The following NTNG1 variants were observed in gnomAD, a reference collection of about 807,000 sequenced individuals.
The protein encoded by NTNG1 is netrin G1.
In NTNG1, 16 loss-of-function variants were observed where a neutral mutation model predicts 54.0. The ratio of observed to expected loss-of-function variants is 0.30; its 90% CI spans 0.20 to 0.45. NTNG1 has a LOEUF of 0.45. Among genes scored for constraint, NTNG1 ranks in the 20% least tolerant of loss-of-function variants. The pLI is 1.00. For synonymous variants in NTNG1, 255 were observed against 263.1 expected (o/e 0.97, Z 0.30); for missense variants, 530 against 678.7 (o/e 0.78, Z 2.43).
chr1:107,325,862 T>A (rs1177846220), intron 3 of NTNG1, among the ~76,000 whole-genome samples: 1 of 152,122 alleles, frequency 6.6e-6, no homozygotes, highest in African/African-American at 2.4e-5. Context: ...TATCTTTAAA[T>A]TGAAACATAT....
intron 3 of NTNG1, among the ~76,000 whole-genome samples, chr1:107,357,089 C>T (rs1669978005): frequency 6.6e-6 from 1 of 152,166 alleles, no homozygotes; most frequent in Non-Finnish European, 1.5e-5. Context: ...AACCAGACAA[C>T]ACAAATCACC....
At chr1:107,305,704 G>A (rs1477972804) in intron 2 of NTNG1, among the ~76,000 whole-genome samples, 1 of 152,060 alleles carries the variant, frequency 6.6e-6, no homozygotes, top group Admixed American at 6.6e-5. Context: ...TGTTCACTCT[G>A]ATGATAGTTT....
chr1:107,148,971 C>A (rs1654349667), intron 2 of NTNG1, 132 bp downstream of exon 2: 5 of 886,148 alleles, frequency 5.6e-6, no homozygotes, highest in Non-Finnish European at 8.7e-6. Flanking sequence ...TGTTAACAGG[C>A]TAGTTTCTTT....
intron 2 of NTNG1, among the ~76,000 whole-genome samples, chr1:107,191,288 T>C (rs1446857542): frequency 6.6e-6 from 1 of 152,178 alleles, no homozygotes; most frequent in Non-Finnish European, 1.5e-5. Flanking sequence ...GTTTTTTTCT[T>C]GTAAATTTGT....
At chr1:107,170,991 A>G (rs1656184849) in intron 2 of NTNG1, among the ~76,000 whole-genome samples, 1 of 152,158 alleles carries the variant, frequency 6.6e-6, no homozygotes, top group Non-Finnish European at 1.5e-5. Context: ...CCACATTTTA[A>G]TAAGACAAAA....
chr1:107,481,872 T>C lies in NTNG1; in HGVS notation c.*1032T>C, dbSNP rs576184780. ...CATAAACGATTTCAGGAATTTGTAT[T>C]GCAATTTCTTAAGATGAAAGGAACA... is the stretch of plus-strand genomic sequence containing the variant. On this transcript the variant is annotated 3_prime_UTR_variant, in exon 8 of 8. Coordinates refer to ENST00000370068, the MANE Select transcript of NTNG1 (RefSeq NM_001113226.3). 7 of 152,636 alleles carry C rather than the reference T, an allele frequency of 4.6e-5. No homozygotes were observed. In the East Asian group the frequency reaches 9.6e-4, roughly 21 times the overall value. 9.5% of individuals were successfully genotyped at this position (152,636 alleles called of 1,614,324 possible).
At chr1:107,451,920 T>C (rs977969508) in intron 7 of NTNG1, among the ~76,000 whole-genome samples, 5 of 152,164 alleles carry the variant, frequency 3.3e-5, no homozygotes, top group Non-Finnish European at 7.3e-5. Context: ...GAACTCCTAA[T>C]GGCTCTGGTT....
chr1:107,199,926 ATTTG>A (rs1302684012), intron 2 of NTNG1, among the ~76,000 whole-genome samples: 1 of 151,756 alleles, frequency 6.6e-6, no homozygotes, highest in African/African-American at 2.4e-5. Flanking sequence ...CTGGACCAGG[ATTTG>A]TTTGTTTAGT....
intron 7 of NTNG1, among the ~76,000 whole-genome samples, chr1:107,469,113 A>C (rs1677805331): frequency 2.0e-5 from 3 of 151,850 alleles, no homozygotes; most frequent in South Asian, 2.1e-4. Flanking sequence ...AAAAAAAAAA[A>C]AACAACGAAA....
chr1:107,381,178 T>C (rs183297578), intron 3 of NTNG1, among the ~76,000 whole-genome samples: 64 of 152,084 alleles, frequency 4.2e-4, no homozygotes, highest in African/African-American at 1.4e-3. Flanking sequence ...CATTCAAAAG[T>C]CACAATAAAA....
At chr1:107,354,364 G>C (rs972002522) in intron 3 of NTNG1, among the ~76,000 whole-genome samples, 1 of 150,292 alleles carries the variant, frequency 6.7e-6, no homozygotes, top group Admixed American at 6.7e-5. Context: ...AGCTACTCAG[G>C]AGGCAGAGGC....
intron 7 of NTNG1, among the ~76,000 whole-genome samples, chr1:107,478,951 T>C (rs1678515246): frequency 6.6e-6 from 1 of 152,240 alleles, no homozygotes; most frequent in African/African-American, 2.4e-5. Flanking sequence ...TAAAATAATG[T>C]GGTTCTAATA....
At chr1:107,173,129 A>G (rs539446644) in intron 2 of NTNG1, among the ~76,000 whole-genome samples, 1 of 152,172 alleles carries the variant, frequency 6.6e-6, no homozygotes, top group Non-Finnish European at 1.5e-5. Context: ...ATTATATGAT[A>G]TTTGTCAAAG....
At chr1:107,247,489 A>C (rs1358918080) in intron 2 of NTNG1, among the ~76,000 whole-genome samples, 1 of 152,208 alleles carries the variant, frequency 6.6e-6, no homozygotes, top group East Asian at 1.9e-4. Flanking sequence ...AAGTGAGTAT[A>C]ATAACGTCTT....
chr1:107,416,992 T>C (rs184756361), intron 5 of NTNG1, among the ~76,000 whole-genome samples: 221 of 152,244 alleles, frequency 1.5e-3, no homozygotes, highest in African/African-American at 5.0e-3. Flanking sequence ...ACAGACAATA[T>C]TAATTTCCTC....
chr1:107,154,914 G>A (rs1443038342), intron 2 of NTNG1, among the ~76,000 whole-genome samples: 1 of 151,984 alleles, frequency 6.6e-6, no homozygotes, highest in East Asian at 1.9e-4. Context: ...AGATTTAACC[G>A]AATGCAGAGA....
At chr1:107,229,540 A>G (rs941717778) in intron 2 of NTNG1, among the ~76,000 whole-genome samples, 5 of 151,526 alleles carry the variant, frequency 3.3e-5, no homozygotes, top group Admixed American at 2.6e-4. Flanking sequence ...TTTTTAAATG[A>G]GAATTTATGG....
chr1:107,185,779 G>A (rs1021938033), intron 2 of NTNG1, among the ~76,000 whole-genome samples: 1 of 152,104 alleles, frequency 6.6e-6, no homozygotes, highest in African/African-American at 2.4e-5. Context: ...ATCACATTGT[G>A]GAGCAATATG....
At chr1:107,245,592 C>A (rs1438207921) in intron 2 of NTNG1, among the ~76,000 whole-genome samples, 1 of 152,060 alleles carries the variant, frequency 6.6e-6, no homozygotes, top group Non-Finnish European at 1.5e-5. Flanking sequence ...TGTTTGTAAT[C>A]AATACTGTTT....
Sources: allele counts gnomAD v4.1 joint callset (sites outside exome capture counted in the v4.1 genomes callset), GRCh38; gene constraint gnomAD v4.1.1; transcripts MANE v1.5; gene names NCBI Gene and HGNC (gene_info 2026-07-23, HGNC 2026-07-21).